Variants in DKK2 observed in about 807,000 individuals in gnomAD.
DKK2 encodes the protein dickkopf Wnt signaling pathway inhibitor 2.
Under a neutral mutation model 28.1 loss-of-function variants are expected in DKK2, and 11 were observed. That is an observed-to-expected ratio of 0.39 (90% CI 0.25 to 0.65). The LOEUF is 0.65. DKK2 is among the 30% of genes least tolerant of loss of function. The pLI is 0.47. For synonymous variants in DKK2, 135 were observed against 126.5 expected (o/e 1.07, Z -0.45); for missense variants, 326 against 335.5 (o/e 0.97, Z 0.22).
At chr4:106,965,007 T>A (rs451649) in intron 1 of DKK2, among the ~76,000 whole-genome samples, 38,980 of 124,982 alleles carry the variant, frequency 0.31, 5,529 homozygotes, top group African/African-American at 0.42. Flanking sequence ...ATAGATAGAT[T>A]GATTGATTCT....
At chr4:106,940,957 G>A (rs1179894166) in intron 1 of DKK2, among the ~76,000 whole-genome samples, 2 of 152,040 alleles carry the variant, frequency 1.3e-5, no homozygotes, top group African/African-American at 4.8e-5. Context: ...GGGGACTGTT[G>A]TGTGGTGGGG....
chr4:106,937,529 C>A (rs1724614229), intron 1 of DKK2, among the ~76,000 whole-genome samples: 1 of 149,336 alleles, frequency 6.7e-6, no homozygotes, highest in Non-Finnish European at 1.5e-5. Flanking sequence ...GAGACTTTAA[C>A]ACCCCACTGT....
At chr4:106,951,484 A>T (rs1405609635) in intron 1 of DKK2, among the ~76,000 whole-genome samples, 1 of 152,202 alleles carries the variant, frequency 6.6e-6, no homozygotes, top group Non-Finnish European at 1.5e-5. Flanking sequence ...ATATAGACAC[A>T]ATGCAATACT....
intron 1 of DKK2, among the ~76,000 whole-genome samples, chr4:107,029,125 T>C (rs895959088): frequency 6.6e-6 from 1 of 152,162 alleles, no homozygotes. Context: ...GAATAGCAGC[T>C]GGGAGCAACA....
At chr4:106,934,624 AT>A (rs763979917) in intron 1 of DKK2, among the ~76,000 whole-genome samples, 14 of 152,194 alleles carry the variant, frequency 9.2e-5, no homozygotes, top group Non-Finnish European at 2.1e-4. Context: ...TAATATAGGA[AT>A]TTCCAAACAT....
At chr4:107,017,983 C>T (rs567768317) in intron 1 of DKK2, among the ~76,000 whole-genome samples, 9 of 152,076 alleles carry the variant, frequency 5.9e-5, no homozygotes, top group Admixed American at 2.0e-4. Context: ...GGGATGTTTC[C>T]GCCCTTCTTA....
In DKK2 at chr4:106,924,043, A is replaced by C. The variant is rs1724387782; in HGVS notation, c.691T>G (p.Cys231Gly). The change falls in exon 4 of 4, where the codon TGC becomes GGC. Residue 231 changes from cysteine (C) to glycine (G), a missense_variant. By Grantham distance (159) the Cys-to-Gly change is radical. Coordinates refer to ENST00000285311, the MANE Select transcript of DKK2 (RefSeq NM_014421.3). ...GSHGLEIFQRCDCAKGLSCKV... is the reference protein window; with the variant it reads ...GSHGLEIFQRGDCAKGLSCKV... ...CAAGACAGGCCCTTCGCACAGTCGC[A>C]ACGCTGGAAAATTTCCAGCCCATGA... is the stretch of plus-strand genomic sequence containing the variant. The C allele has an allele frequency of 6.2e-7, 1 of 1,614,002 alleles. No homozygotes were observed. Among genetic ancestry groups the C allele is most frequent in the Non-Finnish European group, 8.5e-7 (1 of 1,179,926 alleles).
chr4:106,999,580 C>A (rs189227531), intron 1 of DKK2, among the ~76,000 whole-genome samples: 2 of 152,218 alleles, frequency 1.3e-5, no homozygotes, highest in Non-Finnish European at 2.9e-5. Flanking sequence ...CTCTTGACTG[C>A]ATGATCCACC....
intron 1 of DKK2, among the ~76,000 whole-genome samples, chr4:107,004,831 G>A (rs1201522939): frequency 6.6e-6 from 1 of 152,164 alleles, no homozygotes; most frequent in Non-Finnish European, 1.5e-5. Flanking sequence ...TGAAAGAGAT[G>A]TTGCTAAGGG....
intron 1 of DKK2, among the ~76,000 whole-genome samples, chr4:106,979,759 C>G (rs1722998869): frequency 6.6e-6 from 1 of 152,190 alleles, no homozygotes; most frequent in South Asian, 2.1e-4. Context: ...CTATTCCCAG[C>G]CTTACTACCG....
chr4:107,026,139 C>T (rs1723775709), intron 1 of DKK2, among the ~76,000 whole-genome samples: 1 of 152,154 alleles, frequency 6.6e-6, no homozygotes, highest in Non-Finnish European at 1.5e-5. Context: ...CTGCTTTAGT[C>T]TGTTGTATAA....
chr4:106,997,154 A>G (rs1181096806), intron 1 of DKK2, among the ~76,000 whole-genome samples: 1 of 152,118 alleles, frequency 6.6e-6, no homozygotes, highest in African/African-American at 2.4e-5. Flanking sequence ...CCCATCGTTT[A>G]GTTCCAGTTC....
chr4:107,034,907 A>G (rs1410444190), intron 1 of DKK2, among the ~76,000 whole-genome samples: 1 of 152,198 alleles, frequency 6.6e-6, no homozygotes, highest in Non-Finnish European at 1.5e-5. Context: ...CCGTGCCTCA[A>G]TTACTTCATT....
chr4:107,027,913 G>T (rs954994855), intron 1 of DKK2, among the ~76,000 whole-genome samples: 1 of 151,788 alleles, frequency 6.6e-6, no homozygotes, highest in African/African-American at 2.4e-5. Context: ...CACCACGCCC[G>T]GCTAATTTTT....
chr4:107,016,463 A>G (rs1449414153), intron 1 of DKK2, among the ~76,000 whole-genome samples: 2 of 151,968 alleles, frequency 1.3e-5, no homozygotes, highest in Non-Finnish European at 2.9e-5. Context: ...ACTACAAAAT[A>G]AAGATATTTC....
intron 1 of DKK2, among the ~76,000 whole-genome samples, chr4:106,978,640 C>T (rs1722978762): frequency 6.6e-6 from 1 of 152,060 alleles, no homozygotes; most frequent in Admixed American, 6.5e-5. Context: ...GTCCTGGCAG[C>T]GAAAATTTCA....
intron 1 of DKK2, among the ~76,000 whole-genome samples, chr4:107,018,417 G>A (rs919001252): frequency 2.6e-5 from 4 of 152,018 alleles, no homozygotes; most frequent in Non-Finnish European, 5.9e-5. Context: ...CTCAGAACTC[G>A]GTTGTAACAT....
At chr4:107,021,906 G>C (rs759330625) in intron 1 of DKK2, among the ~76,000 whole-genome samples, 2 of 152,038 alleles carry the variant, frequency 1.3e-5, no homozygotes, top group African/African-American at 4.8e-5. Context: ...CAGCCTGACT[G>C]TCTGCCAAAA....
rs1723955610 is a variant in DKK2, at chr4:107,035,740, A to T, written c.-149T>A. 1 of 726,352 alleles carries T rather than the reference A, an allele frequency of 1.4e-6. No homozygotes were observed. Among genetic ancestry groups the T allele is most frequent in the African/African-American group, 1.8e-5 (1 of 56,514 alleles). The allele number at this position is 726,352 out of a possible 1,614,324, so 45.0% of individuals were successfully genotyped here. ...ACCCTTCCTGGTTCGGGGACCCAGG[A>T]CCCTATGAACTCAGTCTCACGCCTC... On this transcript the variant is annotated 5_prime_UTR_variant, in exon 1 of 4. Coordinates refer to ENST00000285311, the MANE Select transcript of DKK2 (RefSeq NM_014421.3).
Sources: gnomAD v4.1 joint callset for allele counts (sites outside exome capture counted in the v4.1 genomes callset) on GRCh38, gnomAD v4.1.1 for gene constraint, MANE v1.5 for transcripts, NCBI Gene and HGNC (gene_info 2026-07-23, HGNC 2026-07-21) for gene names.